PPP1CB: variants seen among roughly 807,000 people sequenced by gnomAD.
PPP1CB encodes serine/threonine-protein phosphatase PP1-beta catalytic subunit.
PPP1CB carries 2 observed loss-of-function variants against 43.7 expected under a neutral mutation model. That is an observed-to-expected ratio of 0.05 (90% CI 0.02 to 0.14). The LOEUF (loss-of-function observed/expected upper bound fraction) is 0.14. Ranked by LOEUF, PPP1CB falls within the 10% of genes least tolerant of loss-of-function variation. The pLI is 1.00. For synonymous variants in PPP1CB, 136 were observed against 135.6 expected (o/e 1.00, Z -0.02); for missense variants, 84 against 398.0 (o/e 0.21, Z 6.71).
At chr2:28,798,182 A>G (rs529036733) in intron 7 of PPP1CB, among the ~76,000 whole-genome samples, 2 of 152,190 alleles carry the variant, frequency 1.3e-5, no homozygotes, top group Non-Finnish European at 2.9e-5. Flanking sequence ...GAAAATCATG[A>G]CTTTTTTATG....
intron 1 of PPP1CB, among the ~76,000 whole-genome samples, 153 bp downstream of exon 1, chr2:28,752,329 G>A (rs1356477948): frequency 2.0e-5 from 3 of 152,164 alleles, no homozygotes; most frequent in African/African-American, 7.2e-5. Context: ...AGGAGGGGGC[G>A]AGGAGGCTCT....
rs192106299 is a variant in PPP1CB at position 28,753,100 on chromosome 2, A to C, written c.52+924A>C. On this transcript the variant is annotated intron_variant, in intron 1 of 7. Coordinates refer to ENST00000395366, the MANE Select transcript of PPP1CB (RefSeq NM_002709.3). ...TTGATTCATTGCAGGATATTATTCAAAGTTAAATGCAGTCTTCTGCCAAAC... is the reference window on the plus strand; with the variant it reads ...TTGATTCATTGCAGGATATTATTCACAGTTAAATGCAGTCTTCTGCCAAAC... 7.1e-3 allele frequency among the ~76,000 whole-genome samples: 1,074 copies of C among 152,326 alleles called. 6 individuals carry two copies. The highest frequency in any genetic ancestry group is 9.2e-3 in the Non-Finnish European group (623 of 68,030).
In PPP1CB at chr2:28,752,490, C is replaced by A. The variant is rs185350505; in HGVS notation, c.52+314C>A. Among the ~76,000 whole-genome samples, 681 of 152,316 alleles carry A rather than the reference C, an allele frequency of 4.5e-3. 4 individuals carry two copies. Among genetic ancestry groups the A allele is most frequent in the Non-Finnish European group, 7.2e-3 (490 of 68,020 alleles). ...AGCCTTTCGGAAAGGCCGCCGGGCTCCGCGCGCCGTGGTGCTCGCCTCCGG... is the reference window on the plus strand; with the variant it reads ...AGCCTTTCGGAAAGGCCGCCGGGCTACGCGCGCCGTGGTGCTCGCCTCCGG... On this transcript the variant is annotated intron_variant, in intron 1 of 7. Coordinates refer to ENST00000395366, the MANE Select transcript of PPP1CB (RefSeq NM_002709.3).
At chr2:28,752,426 C>T (rs1264585976) in intron 1 of PPP1CB, among the ~76,000 whole-genome samples, 1 of 152,168 alleles carries the variant, frequency 6.6e-6, no homozygotes, top group Non-Finnish European at 1.5e-5. Flanking sequence ...GGGCCAGGCC[C>T]GCCGGCCGAA....
chr2:28,757,012 C>A (rs111865752), intron 1 of PPP1CB, among the ~76,000 whole-genome samples: 243 of 152,218 alleles, frequency 1.6e-3, no homozygotes, highest in Admixed American at 2.6e-3. Flanking sequence ...ATATACCCCC[C>A]AAAAAACCCT....
rs1197516941 is a variant in PPP1CB at position 28,752,114 on chromosome 2, G to T, written c.-11G>T. The stretch of plus-strand genomic sequence containing the variant: ...TTCCCGCTGCTGGGAAGGAGAGTCT[G>T]TGCCGACAAGATGGCGGACGGGGAG... On this transcript the variant is annotated 5_prime_UTR_variant, in exon 1 of 8. Coordinates refer to ENST00000395366, the MANE Select transcript of PPP1CB (RefSeq NM_002709.3). 1 of 1,550,014 alleles carries T rather than the reference G, an allele frequency of 6.5e-7. No homozygotes were observed.
chr2:28,755,669 C>A (rs1427331727), intron 1 of PPP1CB, among the ~76,000 whole-genome samples: 1 of 152,262 alleles, frequency 6.6e-6, no homozygotes, highest in South Asian at 2.1e-4. Context: ...ATAGCAGAAT[C>A]ATCTGGGGAA....
intron 1 of PPP1CB, among the ~76,000 whole-genome samples, chr2:28,755,259 G>C (rs757648011): frequency 2.0e-5 from 3 of 151,942 alleles, no homozygotes; most frequent in Non-Finnish European, 4.4e-5. Context: ...GGCTGGTCTC[G>C]AACTTTCCAT....
At chr2:28,777,846 G>C (rs1316878930) in intron 2 of PPP1CB, among the ~76,000 whole-genome samples, 1 of 152,170 alleles carries the variant, frequency 6.6e-6, no homozygotes, top group African/African-American at 2.4e-5. Flanking sequence ...TAGAGACAGG[G>C]TTTCTCCATG....
chr2:28,796,723 A>G (rs191605032), intron 7 of PPP1CB, among the ~76,000 whole-genome samples: 1 of 152,152 alleles, frequency 6.6e-6, no homozygotes, highest in East Asian at 1.9e-4. Flanking sequence ...TCGTCAGTAA[A>G]GATTGTTTAT....
chr2:28,800,540 T>C lies in PPP1CB; in HGVS notation c.*1237T>C, dbSNP rs1383275319. The C allele has an allele frequency of 2.0e-5, 3 of 152,514 alleles. No homozygotes were observed. The highest frequency in any genetic ancestry group is 6.5e-5 in the Admixed American group (1 of 15,272). The allele number at this position is 152,514 out of a possible 1,614,324, so 9.4% of individuals were successfully genotyped here. A position where few individuals can be genotyped will look rare whatever the true frequency, so the allele number is the denominator to read the frequency against. On this transcript the variant is annotated 3_prime_UTR_variant, in exon 8 of 8. Transcript: ENST00000395366. ...AGACAAGCTTTGTAGTGAAGTATAG[T>C]AGCAATAATTTCTGTACCTGATCAA...
chr2:28,802,041 G>A lies in PPP1CB; in HGVS notation c.*2738G>A, dbSNP rs894175383. 2 of 152,026 alleles carry A rather than the reference G, an allele frequency of 1.3e-5. No homozygotes were observed. The highest frequency in any genetic ancestry group is 4.8e-5 in the African/African-American group (2 of 41,366). 9.4% of individuals were successfully genotyped at this position (152,026 alleles called of 1,614,324 possible). A position where few individuals can be genotyped will look rare whatever the true frequency, so the allele number is the denominator to read the frequency against. ...CATTGTAAAAAGTACCTAAACATTC[G>A]TGAAATGATTTTTTTTAGCTGAAAA... On this transcript the variant is annotated 3_prime_UTR_variant, in exon 8 of 8. Transcript: ENST00000395366.
intron 1 of PPP1CB, among the ~76,000 whole-genome samples, chr2:28,772,935 T>C (rs1666945552): frequency 6.6e-6 from 1 of 152,204 alleles, no homozygotes; most frequent in Non-Finnish European, 1.5e-5. Flanking sequence ...ATCTCACAGA[T>C]GCAATAATGA....
At chr2:28,753,971 C>T (rs1469517332) in intron 1 of PPP1CB, among the ~76,000 whole-genome samples, 1 of 152,078 alleles carries the variant, frequency 6.6e-6, no homozygotes, top group African/African-American at 2.4e-5. Flanking sequence ...CTCCTGACCT[C>T]GTGATCCACC....
chr2:28,799,107 T>C, intron 7 of PPP1CB, 92 bp from the exon 8 acceptor site: 1 of 872,956 alleles, frequency 1.1e-6, no homozygotes, highest in Non-Finnish European at 1.8e-6. Flanking sequence ...ATTTTTGCAG[T>C]TTATGCCATT....
chr2:28,783,759 A>G, intron 4 of PPP1CB, 148 bp from the exon 5 acceptor site: 9 of 494,792 alleles, frequency 1.8e-5, no homozygotes, highest in Admixed American at 6.8e-5. Context: ...TCTGTCTCGA[A>G]AAAAAAAAAA....
intron 6 of PPP1CB, 62 bp downstream of exon 6, chr2:28,788,871 A>T: frequency 7.0e-7 from 1 of 1,434,550 alleles, no homozygotes; most frequent in Non-Finnish European, 9.3e-7. Context: ...GGGCAGACGG[A>T]GGGGCAGACA....
intron 1 of PPP1CB, among the ~76,000 whole-genome samples, chr2:28,767,437 T>TA (rs538512562): frequency 6.0e-4 from 91 of 152,272 alleles, no homozygotes; most frequent in African/African-American, 2.1e-3. Context: ...CACTTTATTG[T>TA]GTCTTAAAAA....
intron 3 of PPP1CB, among the ~76,000 whole-genome samples, chr2:28,781,009 G>A (rs1312155391): frequency 6.6e-6 from 1 of 152,098 alleles, no homozygotes; most frequent in Non-Finnish European, 1.5e-5. Context: ...ACAGTTTCCA[G>A]AGGCACCTTT....
Sources: gnomAD v4.1 joint callset for allele counts (sites outside exome capture counted in the v4.1 genomes callset) on GRCh38, gnomAD v4.1.1 for gene constraint, MANE v1.5 for transcripts, NCBI Gene and HGNC (gene_info 2026-07-23, HGNC 2026-07-21) for gene names.